Variants in PTPRM observed in about 807,000 individuals in gnomAD.
The protein encoded by PTPRM is receptor-type tyrosine-protein phosphatase mu.
In PTPRM, 47 loss-of-function variants were observed where a neutral mutation model predicts 186.7. The observed-to-expected ratio is 0.25, with a 90% CI of 0.20 to 0.32. The LOEUF is 0.32. Among genes scored for constraint, PTPRM ranks in the 10% least tolerant of loss-of-function variants. The pLI is 1.00. For missense variants in PTPRM, 1,494 were observed against 1,865.0 expected (o/e 0.80, Z 3.66); for synonymous variants, 668 against 674.9 (o/e 0.99, Z 0.16).
At chr18:7,952,369 C>T (rs1181648594) in intron 6 of PTPRM, among the ~76,000 whole-genome samples, 1 of 152,212 alleles carries the variant, frequency 6.6e-6, no homozygotes, top group Non-Finnish European at 1.5e-5. Context: ...TCCTTCTTTA[C>T]CTCTTTCATC....
intron 14 of PTPRM, among the ~76,000 whole-genome samples, chr18:8,148,812 A>G (rs980773559): frequency 1.3e-5 from 2 of 151,968 alleles, no homozygotes; most frequent in Admixed American, 6.6e-5. Flanking sequence ...TCCACTACAC[A>G]TTGCTTTAAA....
intron 1 of PTPRM, among the ~76,000 whole-genome samples, chr18:7,663,898 C>G (rs1253989736): frequency 1.3e-5 from 2 of 152,150 alleles, no homozygotes; most frequent in Admixed American, 1.3e-4. Flanking sequence ...CTGCCCCCCT[C>G]CAGCCCCAGG....
chr18:7,992,864 A>C (rs938133846), intron 7 of PTPRM, among the ~76,000 whole-genome samples: 5 of 152,148 alleles, frequency 3.3e-5, no homozygotes, highest in African/African-American at 1.2e-4. Flanking sequence ...AAGAAAGATT[A>C]ATAAAAACAA....
At chr18:8,190,487 T>G (rs1366591104) in intron 14 of PTPRM, among the ~76,000 whole-genome samples, 1 of 152,206 alleles carries the variant, frequency 6.6e-6, no homozygotes, top group African/African-American at 2.4e-5. Flanking sequence ...AGCACAGTTA[T>G]AGCTGCTCAC....
At chr18:7,823,437 G>A (rs1376627449) in intron 2 of PTPRM, among the ~76,000 whole-genome samples, 1 of 152,196 alleles carries the variant, frequency 6.6e-6, no homozygotes, top group Non-Finnish European at 1.5e-5. Flanking sequence ...TGATCATTAA[G>A]TGTCAACTTG....
intron 29 of PTPRM, 51 bp downstream of exon 29, chr18:8,380,478 G>T (rs1216443042): frequency 6.2e-7 from 1 of 1,604,726 alleles, no homozygotes; most frequent in Non-Finnish European, 8.5e-7. Flanking sequence ...GGTCAAGTTT[G>T]TTTTTACACT....
At chr18:8,255,098 A>G (rs142085256) in intron 19 of PTPRM, among the ~76,000 whole-genome samples, 8 of 152,364 alleles carry the variant, frequency 5.3e-5, no homozygotes, top group African/African-American at 1.9e-4. Flanking sequence ...GCACTTTTAA[A>G]GTCTAGCTTA....
At chr18:7,714,710 A>G (rs2040286897) in intron 1 of PTPRM, among the ~76,000 whole-genome samples, 2 of 152,218 alleles carry the variant, frequency 1.3e-5, no homozygotes, top group Admixed American at 1.3e-4. Context: ...ACAGAAATAC[A>G]AACTACCATC....
intron 3 of PTPRM, among the ~76,000 whole-genome samples, chr18:7,893,884 G>T (rs951322875): frequency 2.0e-5 from 3 of 152,104 alleles, no homozygotes; most frequent in Non-Finnish European, 4.4e-5. Flanking sequence ...TTCCCAGTTG[G>T]GTTAAGAAGG....
chr18:7,882,451 G>A (rs1367445173), intron 2 of PTPRM, among the ~76,000 whole-genome samples: 2 of 152,092 alleles, frequency 1.3e-5, no homozygotes, highest in Non-Finnish European at 2.9e-5. Flanking sequence ...ACTAGAGTCA[G>A]GAGATATGCC....
chr18:7,946,620 T>C (rs1252980940), intron 5 of PTPRM, among the ~76,000 whole-genome samples: 1 of 152,190 alleles, frequency 6.6e-6, no homozygotes, highest in Non-Finnish European at 1.5e-5. Context: ...GTATTATTAA[T>C]GCTAAATTTG....
At chr18:7,736,798 A>G (rs1598464339) in intron 1 of PTPRM, among the ~76,000 whole-genome samples, 1 of 152,296 alleles carries the variant, frequency 6.6e-6, no homozygotes, top group East Asian at 1.9e-4. Flanking sequence ...TACTGGGTTT[A>G]GGCCAGGCAG....
At chr18:7,893,948 TTTCACCCC>T (rs2049208447) in intron 3 of PTPRM, among the ~76,000 whole-genome samples, 1 of 151,908 alleles carries the variant, frequency 6.6e-6, no homozygotes, top group Non-Finnish European at 1.5e-5. Context: ...CAAATCCAAT[TTTCACCCC>T]TGGCCTGAGG....
intron 13 of PTPRM, among the ~76,000 whole-genome samples, chr18:8,117,747 G>A (rs2092011087): frequency 6.6e-6 from 1 of 152,074 alleles, no homozygotes; most frequent in Non-Finnish European, 1.5e-5. Flanking sequence ...ATTCTCTCTT[G>A]AGTTAAAAGA....
At chr18:7,581,294 C>T (rs1470524522) in intron 1 of PTPRM, among the ~76,000 whole-genome samples, 2 of 152,114 alleles carry the variant, frequency 1.3e-5, no homozygotes. Context: ...CCCTCTGGCT[C>T]CAAGCCTAGT....
intron 7 of PTPRM, among the ~76,000 whole-genome samples, chr18:8,012,144 A>G (rs1222158478): frequency 6.6e-6 from 1 of 152,236 alleles, no homozygotes; most frequent in African/African-American, 2.4e-5. Flanking sequence ...CTTGAGCACT[A>G]TAGTGAATTC....
In PTPRM at chr18:7,934,678, G is replaced by A. The variant is rs574269493; in HGVS notation, c.663+7995G>A. ...TAGTTACTCTGGTAGGTGATGTTCA[G>A]GCATTTTTTTCATTGATCCCTACAA... On this transcript the variant is annotated intron_variant, in intron 5 of 32. Coordinates refer to ENST00000580170, the MANE Select transcript of PTPRM (RefSeq NM_001105244.2). Among the ~76,000 whole-genome samples the A allele has an allele frequency of 2.6e-5, 4 of 152,296 alleles. No individual in the cohort carries two copies. In the East Asian group the frequency reaches 7.7e-4, roughly 29 times the overall value.
intron 1 of PTPRM, among the ~76,000 whole-genome samples, chr18:7,626,284 C>T (rs754854443): frequency 4.6e-5 from 7 of 152,152 alleles, no homozygotes; most frequent in East Asian, 1.9e-4. Flanking sequence ...CATGCACTCG[C>T]GTTTGGCAAA....
intron 14 of PTPRM, among the ~76,000 whole-genome samples, chr18:8,156,892 T>C (rs1237729167): frequency 2.0e-5 from 3 of 152,226 alleles, no homozygotes; most frequent in African/African-American, 7.2e-5. Flanking sequence ...TGAATAGCTG[T>C]ATTTTGTGTC....
Sources: allele counts gnomAD v4.1 joint callset (sites outside exome capture counted in the v4.1 genomes callset), GRCh38; gene constraint gnomAD v4.1.1; transcripts MANE v1.5; gene names NCBI Gene and HGNC (gene_info 2026-07-23, HGNC 2026-07-21).